Variants in LMO7 observed in about 807,000 individuals in gnomAD.
The protein encoded by LMO7 is LIM domain 7, also known as LIM domain only protein 7.
Under a neutral mutation model 206.5 loss-of-function variants are expected in LMO7, and 120 were observed. The ratio of observed to expected loss-of-function variants is 0.58; its 90% CI spans 0.50 to 0.68. The LOEUF (loss-of-function observed/expected upper bound fraction) is 0.68, where lower values mean the gene tolerates loss of function less well. Ranked by LOEUF, LMO7 falls within the 30% of genes least tolerant of loss-of-function variation. LMO7 has a pLI of 0.00. For missense variants in LMO7, 1,959 were observed against 1,957.9 expected, an observed-to-expected ratio of 1.00 and a Z score of -0.01; for synonymous variants, 706 against 681.5, an observed-to-expected ratio of 1.04 and a Z score of -0.56.
chr13:75,758,980 G>T lies in LMO7; in HGVS notation c.211-1952G>T, dbSNP rs1246532979. On this transcript the variant is annotated intron_variant, in intron 3 of 30. Coordinates refer to ENST00000377534, the MANE Select transcript of LMO7 (RefSeq NM_001306080.2). ...TGCCTGAGACTGGGTAATTTACAAA[G>T]CAAAGAGATTTAAATGACTCACAGA... Among the ~76,000 whole-genome samples the T allele has an allele frequency of 3.9e-5, 6 of 152,234 alleles. No homozygotes were observed. The East Asian group carries it at 9.6e-4, about 24-fold the overall frequency.
At chr13:75,624,112 CTCATCTA>C (rs775839897) in intron 2 of LMO7, among the ~76,000 whole-genome samples, 2 of 152,168 alleles carry the variant, frequency 1.3e-5, no homozygotes, top group Non-Finnish European at 2.9e-5. Flanking sequence ...TTTCAGTCTC[CTCATCTA>C]TGACAGACAG....
At chr13:75,693,585 G>A (rs1042602455) in intron 1 of LMO7, among the ~76,000 whole-genome samples, 3 of 152,188 alleles carry the variant, frequency 2.0e-5, no homozygotes, top group African/African-American at 7.2e-5. Flanking sequence ...AGGACATAGG[G>A]TAATTATCAT....
intron 18 of LMO7, 72 bp downstream of exon 18, chr13:75,835,411 T>TTGTGTATGAAACAA: frequency 1.1e-6 from 1 of 942,780 alleles, no homozygotes. Flanking sequence ...TGGAAGAAAA[T>TTGTGTATGAAACAA]AATTTCTTTT....
intron 6 of LMO7, among the ~76,000 whole-genome samples, 156 bp downstream of exon 6, chr13:75,796,905 T>G (rs2054089552): frequency 6.6e-6 from 1 of 152,204 alleles, no homozygotes; most frequent in Non-Finnish European, 1.5e-5. Context: ...TAAAGAGGAA[T>G]GTTACTCATT....
chr13:75,700,085 G>C (rs1050082185), intron 1 of LMO7, among the ~76,000 whole-genome samples: 1 of 152,190 alleles, frequency 6.6e-6, no homozygotes, highest in Admixed American at 6.5e-5. Context: ...AGGCAGTCAG[G>C]CCTTATGGTT....
chr13:75,696,445 A>C (rs955276926), intron 1 of LMO7, among the ~76,000 whole-genome samples: 1 of 152,212 alleles, frequency 6.6e-6, no homozygotes, highest in Non-Finnish European at 1.5e-5. Context: ...TGTTTCATAT[A>C]AGGAAATCAA....
intron 2 of LMO7, among the ~76,000 whole-genome samples, chr13:75,722,535 T>TA (rs779382469): frequency 7.9e-4 from 118 of 149,138 alleles, no homozygotes; most frequent in African/African-American, 2.1e-3. Flanking sequence ...ATCAAAAAAT[T>TA]AAAAAAAAAA....
upstream of LMO7, chr13:75,631,876 C>T (rs927126004): frequency 2.6e-5 from 4 of 152,156 alleles, no homozygotes; most frequent in Non-Finnish European, 4.4e-5. Flanking sequence ...TGTCTACCGC[C>T]GTTACTCATT....
At position 75,788,452 on chromosome 13, in the gene LMO7, C is replaced by CAAAAA. The variant is rs10638523; in HGVS notation, c.318-6932_318-6928dup. Among the ~76,000 whole-genome samples, 521 of 59,938 alleles carry CAAAAA rather than the reference C, an allele frequency of 8.7e-3. 10 individuals carry two copies. The highest frequency in any genetic ancestry group is 0.031 in the African/African-American group (455 of 14,794). The allele number at this position is 59,938 out of a possible 152,430, so 39.3% of individuals were successfully genotyped here. ...GGGCAAAAAGAGCAAAACTCTGCCTCAAAAAAAAAAAAAAAAAAAAAGCCA... is the reference window on the plus strand; with the variant it reads ...GGGCAAAAAGAGCAAAACTCTGCCTCAAAAAAAAAAAAAAAAAAAAAAAAAAGCCA... On this transcript the variant is annotated intron_variant, in intron 4 of 30. Coordinates refer to ENST00000377534, the MANE Select transcript of LMO7 (RefSeq NM_001306080.2).
chr13:75,817,262 A>G lies in LMO7; in HGVS notation c.2048A>G (p.Asp683Gly), dbSNP rs1193051100. ...ATAAAATCACAATTAAAAGAACAAG[A>G]TCAGAAATGGCAGGATGTGAGTATT... ...QKIKSQLKEQ[D>G]QKWQDDLAKW... The change falls in exon 12 of 31, where the codon GAT becomes GGT. Residue 683 changes from aspartate (D) to glycine (G), a missense_variant. By Grantham distance (94) the Asp-to-Gly change is moderately conservative (BLOSUM62 -1). Coordinates refer to ENST00000377534, the MANE Select transcript of LMO7 (RefSeq NM_001306080.2). 1 of 1,608,270 alleles carries G rather than the reference A, an allele frequency of 6.2e-7. No homozygotes were observed.
intron 3 of LMO7, among the ~76,000 whole-genome samples, chr13:75,728,479 T>C (rs1004464724): frequency 2.0e-5 from 3 of 149,456 alleles, no homozygotes; most frequent in African/African-American, 7.5e-5. Context: ...TTGTTTGTTT[T>C]TTTTCTTGTA....
intron 25 of LMO7, among the ~76,000 whole-genome samples, chr13:75,843,865 A>C (rs1169758709): frequency 6.6e-6 from 1 of 152,196 alleles, no homozygotes; most frequent in African/African-American, 2.4e-5. Context: ...TGTATCTACA[A>C]GCAGCCGGGA....
chr13:75,750,269 G>A (rs554100549), intron 3 of LMO7, among the ~76,000 whole-genome samples: 4 of 151,714 alleles, frequency 2.6e-5, no homozygotes, highest in Non-Finnish European at 5.9e-5. Flanking sequence ...TGACTTATGT[G>A]CATACTAAAG....
At chr13:75,708,744 C>A (rs1291634944) in intron 1 of LMO7, among the ~76,000 whole-genome samples, 1 of 152,084 alleles carries the variant, frequency 6.6e-6, no homozygotes, top group Non-Finnish European at 1.5e-5. Flanking sequence ...GAAGAATATG[C>A]CATTCTCTTT....
chr13:75,857,705 A>G (rs146452803), intron 30 of LMO7: 244 of 385,416 alleles, frequency 6.3e-4, no homozygotes, highest in African/African-American at 4.8e-3. Context: ...ATTTATTTCT[A>G]TTGTGAGCAG....
intron 10 of LMO7, among the ~76,000 whole-genome samples, chr13:75,808,654 G>A (rs1296447022): frequency 6.6e-6 from 1 of 152,118 alleles, no homozygotes; most frequent in Non-Finnish European, 1.5e-5. Flanking sequence ...TTTGGCCTAG[G>A]TTTCTTGGAC....
At chr13:75,776,166 T>TATATATATATATATATATATCGG (rs1566433664) in intron 4 of LMO7, among the ~76,000 whole-genome samples, 10 of 33,376 alleles carry the variant, frequency 3.0e-4, no homozygotes, top group Non-Finnish European at 5.8e-4. Context: ...ATATCGGATA[T>TATATATATATATATATATATCGG]ATATATATAT....
chr13:75,849,267 GTTAGTC>G lies in LMO7; in HGVS notation c.4342_4347del (p.Ser1448_Leu1449del). 6.2e-7 allele frequency: 1 copy of G among 1,614,044 alleles called. No homozygotes were observed. The highest frequency in any genetic ancestry group is 8.5e-7 in the Non-Finnish European group (1 of 1,179,926). On this transcript the variant is annotated inframe_deletion, in exon 27 of 31. Coordinates refer to ENST00000377534, the MANE Select transcript of LMO7 (RefSeq NM_001306080.2). ...CAGTGCCAGTGTCAACAAAGAGCCT[GTTAGTC>G]TTCCTGGGATCATGAGAAGGTGCGA...
At chr13:75,733,707 C>A (rs935642378) in intron 3 of LMO7, among the ~76,000 whole-genome samples, 2 of 152,212 alleles carry the variant, frequency 1.3e-5, no homozygotes, top group South Asian at 2.1e-4. Context: ...AGACATCACC[C>A]GTCTTCTGCG....
Sources: gnomAD v4.1 joint callset for allele counts (sites outside exome capture counted in the v4.1 genomes callset) on GRCh38, gnomAD v4.1.1 for gene constraint, MANE v1.5 for transcripts, NCBI Gene and HGNC (gene_info 2026-07-23, HGNC 2026-07-21) for gene names.